The following CDH18 variants were observed in gnomAD, a reference collection of about 807,000 sequenced individuals.
CDH18 encodes cadherin-18.
In CDH18, 31 loss-of-function variants were observed where a neutral mutation model predicts 67.9. That is an observed-to-expected ratio of 0.46 (90% CI 0.34 to 0.62). CDH18 has a LOEUF of 0.62. Ranked by LOEUF, CDH18 falls within the 20% of genes least tolerant of loss-of-function variation. The pLI, the probability that CDH18 is intolerant of heterozygous loss-of-function variation, is 0.01. For synonymous variants in CDH18, 362 were observed against 347.2 expected, an observed-to-expected ratio of 1.04 and a Z score of -0.48; for missense variants, 890 against 975.5, an observed-to-expected ratio of 0.91 and a Z score of 1.17.
chr5:19,995,010 A>G (rs1178644820), intron 2 of CDH18, among the ~76,000 whole-genome samples: 2 of 151,130 alleles, frequency 1.3e-5, no homozygotes, highest in African/African-American at 4.9e-5. Flanking sequence ...AGGCTTGAGC[A>G]CCAATGCTCA....
At chr5:20,074,941 C>T (rs999170410) in intron 2 of CDH18, among the ~76,000 whole-genome samples, 2 of 151,884 alleles carry the variant, frequency 1.3e-5, no homozygotes, top group African/African-American at 4.8e-5. Flanking sequence ...AATTAAATAC[C>T]TATATTATTG....
intron 2 of CDH18, among the ~76,000 whole-genome samples, chr5:19,903,541 G>GTGTGTATATATA (rs374931710): frequency 1.2e-4 from 15 of 124,732 alleles, no homozygotes; most frequent in Admixed American, 4.3e-4. Flanking sequence ...GTGTGTGTGT[G>GTGTGTATATATA]TATATATATA....
chr5:20,048,861 T>C (rs1378992522), intron 2 of CDH18, among the ~76,000 whole-genome samples: 4 of 151,742 alleles, frequency 2.6e-5, no homozygotes, highest in Non-Finnish European at 5.9e-5. Flanking sequence ...TATCTCACCA[T>C]CTTCTTGGAA....
At chr5:19,511,475 T>G (rs1165114586) in intron 10 of CDH18, among the ~76,000 whole-genome samples, 5 of 152,062 alleles carry the variant, frequency 3.3e-5, no homozygotes, top group African/African-American at 9.7e-5. Flanking sequence ...TTTGGAACTT[T>G]CTAGAGACTC....
intron 1 of CDH18, among the ~76,000 whole-genome samples, chr5:20,543,855 T>C (rs1345692373): frequency 1.3e-5 from 2 of 152,138 alleles, no homozygotes; most frequent in African/African-American, 4.8e-5. Context: ...GCTAAACAAA[T>C]ACAAAAAGTA....
rs1396608469 is a variant in CDH18 at position 19,485,448 on chromosome 5, G to T, written c.1631-1896C>A. On this transcript the variant is annotated intron_variant, in intron 11 of 12. Transcript: ENST00000382275. ...TTTTTTGTATTTTTAGTAGAGACGG[G>T]GTTTCACCGTGTTAGCCAGGATGGT... is the stretch of plus-strand genomic sequence containing the variant. 2.0e-5 allele frequency among the ~76,000 whole-genome samples: 3 copies of T among 151,960 alleles called. No individual in the cohort carries two copies. The East Asian group carries it at 5.8e-4, about 30-fold the overall frequency.
chr5:20,291,670 T>C (rs947979111), intron 1 of CDH18, among the ~76,000 whole-genome samples: 1 of 152,002 alleles, frequency 6.6e-6, no homozygotes, highest in Non-Finnish European at 1.5e-5. Context: ...AGGGAATAGA[T>C]TTTCAAAGAT....
chr5:19,683,062 T>C (rs1273872999), intron 5 of CDH18, among the ~76,000 whole-genome samples: 3 of 151,894 alleles, frequency 2.0e-5, no homozygotes, highest in African/African-American at 4.8e-5. Flanking sequence ...AGAACATATA[T>C]ATATATTCAA....
At chr5:20,044,539 T>G (rs1239986822) in intron 2 of CDH18, among the ~76,000 whole-genome samples, 1 of 152,140 alleles carries the variant, frequency 6.6e-6, no homozygotes. Context: ...ATTAAAGCAT[T>G]TAAGCATTGC....
intron 8 of CDH18, among the ~76,000 whole-genome samples, chr5:19,553,177 T>A (rs1038192738): frequency 6.6e-6 from 1 of 152,154 alleles, no homozygotes; most frequent in Non-Finnish European, 1.5e-5. Context: ...TAGGTATACA[T>A]TCGTGATAAT....
intron 5 of CDH18, among the ~76,000 whole-genome samples, chr5:19,652,853 G>A (rs1027754840): frequency 2.6e-5 from 4 of 151,978 alleles, no homozygotes; most frequent in Admixed American, 6.6e-5. Flanking sequence ...ATAAATAAAC[G>A]TTTTCTTTAA....
intron 1 of CDH18, among the ~76,000 whole-genome samples, chr5:20,273,363 G>T (rs1216976067): frequency 6.6e-6 from 1 of 151,858 alleles, no homozygotes; most frequent in Non-Finnish European, 1.5e-5. Flanking sequence ...GATTAAGGTC[G>T]ACTGGAGTAA....
chr5:19,574,266 T>C (rs974318639), intron 7 of CDH18, among the ~76,000 whole-genome samples: 1 of 152,184 alleles, frequency 6.6e-6, no homozygotes, highest in Non-Finnish European at 1.5e-5. Flanking sequence ...TGTGGACATA[T>C]GGTTTCAGGT....
At chr5:20,240,675 T>C (rs1487411657) in intron 2 of CDH18, among the ~76,000 whole-genome samples, 5 of 152,244 alleles carry the variant, frequency 3.3e-5, no homozygotes, top group Non-Finnish European at 4.4e-5. Flanking sequence ...TTCTTGAATC[T>C]ATTTTAATAT....
chr5:19,953,462 T>A (rs1858058), intron 2 of CDH18, among the ~76,000 whole-genome samples: 45,935 of 151,874 alleles, frequency 0.3, 8,493 homozygotes, highest in Admixed American at 0.41. Context: ...TTGTTTATTA[T>A]ACTGATATAT....
chr5:19,887,885 A>G (rs1342801234), intron 2 of CDH18, among the ~76,000 whole-genome samples: 1 of 151,942 alleles, frequency 6.6e-6, no homozygotes, highest in Non-Finnish European at 1.5e-5. Context: ...TTACTTTTGT[A>G]TATGGTGTGA....
intron 2 of CDH18, among the ~76,000 whole-genome samples, chr5:20,038,095 T>C (rs1250878944): frequency 1.3e-5 from 2 of 151,772 alleles, no homozygotes; most frequent in Non-Finnish European, 2.9e-5. Context: ...AACTAGAAAA[T>C]CTAGAAGAAA....
intron 2 of CDH18, among the ~76,000 whole-genome samples, chr5:20,002,973 A>T (rs563536139): frequency 1.4e-4 from 21 of 152,226 alleles, no homozygotes; most frequent in African/African-American, 5.1e-4. Context: ...AAAAAAAAAA[A>T]AGCAATTCAC....
At chr5:19,591,519 T>C (rs376267733) in intron 6 of CDH18, among the ~76,000 whole-genome samples, 4 of 152,082 alleles carry the variant, frequency 2.6e-5, no homozygotes, top group Non-Finnish European at 5.9e-5. Flanking sequence ...TACAGACAAT[T>C]AGAAGAGAGG....
Sources: allele counts gnomAD v4.1 joint callset (sites outside exome capture counted in the v4.1 genomes callset), GRCh38; gene constraint gnomAD v4.1.1; transcripts MANE v1.5; gene names NCBI Gene and HGNC (gene_info 2026-07-23, HGNC 2026-07-21).